Variants in RFTN1 observed in about 807,000 individuals in gnomAD.
RFTN1 encodes raftlin.
RFTN1 carries 26 observed loss-of-function variants against 46.5 expected under a neutral mutation model. The observed-to-expected ratio is 0.56, with a 90% CI of 0.41 to 0.78. RFTN1 has a LOEUF of 0.78. RFTN1 is among the 30% of genes least tolerant of loss of function. RFTN1 has a pLI of 0.00. For missense variants in RFTN1, 693 were observed against 718.7 expected (o/e 0.96, Z 0.41); for synonymous variants, 261 against 284.2 (o/e 0.92, Z 0.82).
rs1221952199 is a variant in RFTN1 at position 16,383,841 on chromosome 3, A to C, written c.442-5739T>G. On this transcript the variant is annotated intron_variant, in intron 4 of 9. Transcript: ENST00000334133. This position sits in a 1 kb window ranked among gnomAD's most constrained non-coding sequence, Gnocchi z 4.0. ...GTGTCCACAGCCTGTAGTAGATAGCATGGGTAAAGAGTCAGAGACACTTCC... is the reference window on the plus strand; with the variant it reads ...GTGTCCACAGCCTGTAGTAGATAGCCTGGGTAAAGAGTCAGAGACACTTCC... 6.6e-6 allele frequency among the ~76,000 whole-genome samples: 1 copy of C among 152,198 alleles called. No individual in the cohort carries two copies. The highest frequency in any genetic ancestry group is 2.4e-5 in the African/African-American group (1 of 41,450).
Position 16,504,076 on chromosome 3 carries a change from G to A in RFTN1, c.-9+9366C>T, listed in dbSNP as rs116635709. ...TGGCAGAGATTCTGAGGATTTCTCC[G>A]TTCACAGTGCCCTTAGTTTCTCTGT... On this transcript the variant is annotated intron_variant, in intron 1 of 9. Transcript: ENST00000334133. The surrounding 1 kb of genome is among the most constrained non-coding windows in gnomAD (Gnocchi z 4.4). 0.015 allele frequency among the ~76,000 whole-genome samples: 2,356 copies of A among 152,000 alleles called. 30 individuals are homozygous for A. Among genetic ancestry groups the A allele is most frequent in the African/African-American group, 0.024 (979 of 41,452 alleles).
At chr3:16,477,341 T>C (rs921029235) in intron 2 of RFTN1, among the ~76,000 whole-genome samples, 1 of 152,338 alleles carries the variant, frequency 6.6e-6, no homozygotes, top group South Asian at 2.1e-4. Flanking sequence ...GTCAATTGAA[T>C]GCAATTTTAT....
At chr3:16,492,139 C>T (rs2076547386) in intron 2 of RFTN1, among the ~76,000 whole-genome samples, 1 of 152,158 alleles carries the variant, frequency 6.6e-6, no homozygotes, top group Non-Finnish European at 1.5e-5. Flanking sequence ...GCATGACTGA[C>T]CCATCAAGGG....
rs1328907756 is a variant in RFTN1, at chr3:16,473,309, C to T, written c.145+20416G>A. 6.6e-6 allele frequency among the ~76,000 whole-genome samples: 1 copy of T among 152,194 alleles called. No individual in the cohort carries two copies. The highest frequency in any genetic ancestry group is 1.9e-4 in the East Asian group (1 of 5,200). On this transcript the variant is annotated intron_variant, in intron 2 of 9. Transcript: ENST00000334133. The surrounding 1 kb of genome is among the most constrained non-coding windows in gnomAD (Gnocchi z 5.3). The stretch of plus-strand genomic sequence containing the variant: ...AATGTCCACATATTGATCATCTTAT[C>T]ACACCTATTGAAAAATCCAGTAAGA...
At chr3:16,497,782 G>T (rs1195711561) in intron 1 of RFTN1, among the ~76,000 whole-genome samples, 1 of 152,156 alleles carries the variant, frequency 6.6e-6, no homozygotes, top group Non-Finnish European at 1.5e-5. Flanking sequence ...TATCTCCATG[G>T]GAAGGACAAG....
chr3:16,328,539 G>A (rs141004435), intron 7 of RFTN1, among the ~76,000 whole-genome samples: 15 of 152,286 alleles, frequency 9.8e-5, no homozygotes, highest in East Asian at 3.9e-4. Context: ...AACCCTTGGC[G>A]ACTAATTTAT....
chr3:16,410,700 G>A lies in RFTN1; in HGVS notation c.333-1217C>T, dbSNP rs1196097887. 6.6e-6 allele frequency among the ~76,000 whole-genome samples: 1 copy of A among 152,104 alleles called. No homozygotes were observed. The highest frequency in any genetic ancestry group is 1.5e-5 in the Non-Finnish European group (1 of 68,004). On this transcript the variant is annotated intron_variant, in intron 3 of 9. Coordinates refer to ENST00000334133, the MANE Select transcript of RFTN1 (RefSeq NM_015150.2). The surrounding 1 kb of genome is among the most constrained non-coding windows in gnomAD (Gnocchi z 4.6). ...CCTGTAGTCTTGCTGTCAAAGGAGA[G>A]GCTTCCTAGCGCACCCTGCCATCTC... is the stretch of plus-strand genomic sequence containing the variant.
rs747163191 is a variant in RFTN1 at position 16,323,471 on chromosome 3, A to T, written c.1251-14T>A. On this transcript the variant is annotated splice_polypyrimidine_tract_variant and intron_variant, in intron 8 of 9. Transcript: ENST00000334133. Reference sequence around the variant, plus strand: ...ACACTCCCCTCGCTGTAACACACGGAGCTGAGAATGAGCCACTTTATGCCT... The same window carrying T: ...ACACTCCCCTCGCTGTAACACACGGTGCTGAGAATGAGCCACTTTATGCCT... The T allele has an allele frequency of 6.2e-7, 1 of 1,604,046 alleles. No individual in the cohort carries two copies. Among genetic ancestry groups the T allele is most frequent in the South Asian group, 1.1e-5 (1 of 90,696 alleles).
At position 16,460,687 on chromosome 3, in the gene RFTN1, A is replaced by G. The variant is rs2075993746; in HGVS notation, c.146-26650T>C. ...TAAGAGGCCTGTTATACAGATAACT[A>G]ACGCAAGAGACACGTGAGCAGACGT... On this transcript the variant is annotated intron_variant, in intron 2 of 9. Coordinates refer to ENST00000334133, the MANE Select transcript of RFTN1 (RefSeq NM_015150.2). The surrounding 1 kb of genome is among the most constrained non-coding windows in gnomAD (Gnocchi z 4.8). Among the ~76,000 whole-genome samples the G allele has an allele frequency of 6.6e-6, 1 of 152,212 alleles. No individual in the cohort carries two copies. Among genetic ancestry groups the G allele is most frequent in the South Asian group, 2.1e-4 (1 of 4,828 alleles).
In RFTN1 at chr3:16,465,646, G is replaced by A. The variant is rs551406936; in HGVS notation, c.145+28079C>T. ...GCAATTTAGCCCCCATGTCAATTAC[G>A]GATGCTAAAAATTTCAGAATTATAA... On this transcript the variant is annotated intron_variant, in intron 2 of 9. Transcript: ENST00000334133. This position sits in a 1 kb window ranked among gnomAD's most constrained non-coding sequence, Gnocchi z 5.1. 2.0e-5 allele frequency among the ~76,000 whole-genome samples: 3 copies of A among 152,040 alleles called. No homozygotes were observed. Among genetic ancestry groups the A allele is most frequent in the South Asian group, 2.1e-4 (1 of 4,804 alleles).
chr3:16,455,157 A>C (rs1188510633), intron 2 of RFTN1, among the ~76,000 whole-genome samples: 1 of 152,252 alleles, frequency 6.6e-6, no homozygotes, highest in Non-Finnish European at 1.5e-5. Context: ...TGGGATCAGC[A>C]AACAGCTGCA....
chr3:16,508,686 T>TCACA (rs1302882324), intron 1 of RFTN1, among the ~76,000 whole-genome samples: 3 of 109,630 alleles, frequency 2.7e-5, no homozygotes, highest in African/African-American at 1.3e-4. Context: ...GAAGGAAAGA[T>TCACA]CACACGCACG....
chr3:16,422,084 G>T lies in RFTN1; in HGVS notation c.332+11767C>A, dbSNP rs207463007. On this transcript the variant is annotated intron_variant, in intron 3 of 9. Transcript: ENST00000334133. The surrounding 1 kb of genome is among the most constrained non-coding windows in gnomAD (Gnocchi z 4.6). ...TCAGTTCTCCTTCAACATTAAATAT[G>T]TCTACCCCACTTTGGTAACCACTGT... Among the ~76,000 whole-genome samples the T allele has an allele frequency of 6.6e-6, 1 of 152,092 alleles. No individual in the cohort carries two copies. Among genetic ancestry groups the T allele is most frequent in the Admixed American group, 6.5e-5 (1 of 15,278 alleles).
intron 7 of RFTN1, among the ~76,000 whole-genome samples, chr3:16,332,563 C>T (rs978724672): frequency 2.6e-5 from 4 of 152,092 alleles, no homozygotes; most frequent in East Asian, 3.9e-4. Flanking sequence ...TACCACGCCA[C>T]GTTAGGATTT....
Position 16,400,381 on chromosome 3 carries a change from C to A in RFTN1, c.441+8994G>T, listed in dbSNP as rs1320832156. Among the ~76,000 whole-genome samples the A allele has an allele frequency of 6.6e-6, 1 of 152,200 alleles. No homozygotes were observed. Among genetic ancestry groups the A allele is most frequent in the Non-Finnish European group, 1.5e-5 (1 of 68,032 alleles). Reference sequence around the variant, plus strand: ...TCATGGAGCACTCCCCCAACACTGCCAGCCTGGGGCAGGCCCCTTGCCATG... The same window carrying A: ...TCATGGAGCACTCCCCCAACACTGCAAGCCTGGGGCAGGCCCCTTGCCATG... On this transcript the variant is annotated intron_variant, in intron 4 of 9. Transcript: ENST00000334133. This position sits in a 1 kb window ranked among gnomAD's most constrained non-coding sequence, Gnocchi z 4.5.
chr3:16,373,948 C>T (rs911772286), intron 5 of RFTN1, among the ~76,000 whole-genome samples: 3 of 152,214 alleles, frequency 2.0e-5, no homozygotes, highest in East Asian at 1.9e-4. Flanking sequence ...GCTCAAGCTT[C>T]GCTAAGGCTT....
chr3:16,397,436 T>TAC (rs2074495367), intron 4 of RFTN1, among the ~76,000 whole-genome samples: 1 of 152,190 alleles, frequency 6.6e-6, no homozygotes, highest in Admixed American at 6.5e-5. Flanking sequence ...GCATGAGGAC[T>TAC]ACAGTTAATA....
At chr3:16,432,345 C>T (rs62236354) in intron 3 of RFTN1, among the ~76,000 whole-genome samples, 10,630 of 152,024 alleles carry the variant, frequency 0.07, 495 homozygotes, top group Middle Eastern at 0.13. Flanking sequence ...TGGCGAAACC[C>T]GGTCTCTACC....
chr3:16,433,887 T>A lies in RFTN1; in HGVS notation c.296A>T (p.His99Leu), dbSNP rs575203250. The change falls in exon 3 of 10, where the codon CAC (histidine) becomes CTC (leucine). Residue 99 changes from histidine (H) to leucine (L), a missense_variant. His to Leu is a moderately conservative substitution (Grantham distance 99). Coordinates refer to ENST00000334133, the MANE Select transcript of RFTN1 (RefSeq NM_015150.2). The surrounding 1 kb of genome is among the most constrained non-coding windows in gnomAD (Gnocchi z 4.4). Reference protein sequence around the residue: ...THEREKTPLEHIFRAILIKKT... With the variant: ...THEREKTPLELIFRAILIKKT... ...CTTGATCAGGATGGCTCTAAAGATG[T>A]GCTCCAGGGGCGTCTTCTCCCGCTC... 19 of 1,614,180 alleles carry A rather than the reference T, an allele frequency of 1.2e-5. No homozygotes were observed. In the South Asian group the frequency reaches 2.1e-4, roughly 18 times the overall value.
Sources: gnomAD v4.1 joint callset for allele counts (sites outside exome capture counted in the v4.1 genomes callset) on GRCh38, gnomAD v4.1.1 for gene constraint, Gnocchi (gnomAD v3.1) non-coding constraint, MANE v1.5 for transcripts, NCBI Gene and HGNC (gene_info 2026-07-23, HGNC 2026-07-21) for gene names.